URGCP: variants seen among roughly 807,000 people sequenced by gnomAD.
URGCP encodes upregulator of cell proliferation.
In URGCP, 13 loss-of-function variants were observed where a neutral mutation model predicts 24.6. That is an observed-to-expected ratio of 0.53 (90% CI 0.34 to 0.84). The LOEUF (loss-of-function observed/expected upper bound fraction) is 0.84. URGCP is among the 40% of genes least tolerant of loss of function. URGCP has a pLI of 0.01. For synonymous variants in URGCP, 444 were observed against 487.2 expected (o/e 0.91, Z 1.17); for missense variants, 899 against 1,194.3 (o/e 0.75, Z 3.64).
intron 1 of URGCP, among the ~76,000 whole-genome samples, chr7:43,896,590 A>G (rs1277524856): frequency 1.3e-5 from 2 of 152,366 alleles, no homozygotes; most frequent in East Asian, 3.9e-4. Context: ...AAGATAAAAA[A>G]GTTAGTACTG....
At chr7:43,888,103 A>G (rs377560197) in intron 1 of URGCP, 40 of 319,674 alleles carry the variant, frequency 1.3e-4, no homozygotes, top group East Asian at 5.2e-4. Flanking sequence ...ATAGGTATAT[A>G]TACAGAACTC....
At position 43,881,965 on chromosome 7, in the gene URGCP, A is replaced by C; in HGVS notation, c.113-8T>G. ...TTTCTCTCCATTCCAAATCTAGAAG[A>C]AAAAAGAAACCAAATACATTTAGTT... On this transcript the variant is annotated splice_polypyrimidine_tract_variant and splice_region_variant and intron_variant, in intron 3 of 5. Transcript: ENST00000453200. 1 of 1,614,138 alleles carries C rather than the reference A, an allele frequency of 6.2e-7. No individual in the cohort carries two copies. The highest frequency in any genetic ancestry group is 1.1e-5 in the South Asian group (1 of 91,060).
At chr7:43,887,354 A>G in intron 3 of URGCP, 61 bp downstream of exon 3, 1 of 1,587,164 alleles carries the variant, frequency 6.3e-7, no homozygotes, top group Admixed American at 1.8e-5. Flanking sequence ...CAGAATCCCA[A>G]GGGGACAGGA....
intron 1 of URGCP, chr7:43,919,435 C>T (rs1403257883): frequency 1.1e-6 from 1 of 920,114 alleles, no homozygotes; most frequent in African/African-American, 1.6e-5. Context: ...CTGCGCTACC[C>T]CAGCTACATG....
intron 1 of URGCP, among the ~76,000 whole-genome samples, chr7:43,900,469 C>CAAAAAAAAAAAAACAAAAA (rs2095888328): frequency 8.7e-6 from 1 of 114,494 alleles, no homozygotes; most frequent in Admixed American, 9.0e-5. Context: ...AAAACCAAAA[C>CAAAAAAAAAAAAACAAAAA]AAAAAAAAAA....
At chr7:43,922,935 T>C (rs890845373) in intron 1 of URGCP, among the ~76,000 whole-genome samples, 2 of 151,860 alleles carry the variant, frequency 1.3e-5, no homozygotes, top group African/African-American at 4.8e-5. Context: ...TCTTTCTTTC[T>C]TTCTTTCCTT....
chr7:43,913,443 C>G (rs959234626), intron 1 of URGCP, among the ~76,000 whole-genome samples: 1 of 151,936 alleles, frequency 6.6e-6, no homozygotes, highest in African/African-American at 2.4e-5. Flanking sequence ...TGGTCTTCAT[C>G]TCCTGACCTT....
chr7:43,882,529 G>T (rs144343774), intron 3 of URGCP, among the ~76,000 whole-genome samples: 2 of 151,870 alleles, frequency 1.3e-5, no homozygotes, highest in African/African-American at 4.8e-5. Flanking sequence ...GATTACTTGA[G>T]CCTGGGAGGT....
chr7:43,900,091 G>A (rs1398572475), intron 1 of URGCP, among the ~76,000 whole-genome samples: 5 of 151,944 alleles, frequency 3.3e-5, no homozygotes, highest in Non-Finnish European at 7.4e-5. Context: ...GCTGCAGCGA[G>A]CCATGTTGTT....
At chr7:43,891,852 G>A (rs182236134) in intron 1 of URGCP, among the ~76,000 whole-genome samples, 365 of 151,292 alleles carry the variant, frequency 2.4e-3, no homozygotes, top group Non-Finnish European at 3.8e-3. Context: ...ACGCCATCTC[G>A]GCTCACTGTA....
intron 1 of URGCP, among the ~76,000 whole-genome samples, chr7:43,920,295 C>T (rs920068738): frequency 5.9e-5 from 9 of 152,160 alleles, no homozygotes; most frequent in African/African-American, 1.7e-4. Flanking sequence ...AGTGCAGTGA[C>T]ACACTGGCAA....
At chr7:43,926,692 A>G (rs1295122684), upstream of URGCP, 9 of 915,552 alleles carry the variant, frequency 9.8e-6, no homozygotes, top group Non-Finnish European at 1.4e-5. Flanking sequence ...GAGGCAGAAC[A>G]GCCTCCCGCG....
upstream of URGCP, among the ~76,000 whole-genome samples, chr7:43,909,178 A>G (rs987119256): frequency 6.6e-6 from 1 of 152,168 alleles, no homozygotes; most frequent in African/African-American, 2.4e-5. Flanking sequence ...TACTCTGTGT[A>G]TGTGTATGTG....
Position 43,887,443 on chromosome 7 carries a change from T to C in URGCP, c.84A>G (p.Ser28=). The change falls in exon 3 of 6, where the codon TCA becomes TCG. Residue 28 remains serine, a synonymous_variant. Coordinates refer to ENST00000453200, the MANE Select transcript of URGCP (RefSeq NM_001077663.3). ...CAATGGCCACAGCTGTTCGTCTCTC[T>C]GATGCTTTTATTTCTGGGGCTACTT... The part of the protein sequence containing the change: ...LGEVAPEIKA[S]ERRTAVAIAD... 6.2e-7 allele frequency: 1 copy of C among 1,613,968 alleles called. No individual in the cohort carries two copies. Among genetic ancestry groups the C allele is most frequent in the Non-Finnish European group, 8.5e-7 (1 of 1,179,862 alleles).
chr7:43,919,025 G>C (rs774541039), intron 1 of URGCP: 8 of 1,123,184 alleles, frequency 7.1e-6, no homozygotes, highest in Non-Finnish European at 1.1e-5. Context: ...GATTCTCCCA[G>C]AGGGAGAAGA....
intron 5 of URGCP, 109 bp downstream of exon 5, chr7:43,881,550 G>A: frequency 7.1e-7 from 1 of 1,406,216 alleles, no homozygotes; most frequent in Non-Finnish European, 9.8e-7. Flanking sequence ...TCCTAAACCT[G>A]AGTGCTCTGC....
At chr7:43,882,008 C>A (rs2095854644) in intron 3 of URGCP, 51 bp from the exon 4 acceptor site, 14 of 1,611,982 alleles carry the variant, frequency 8.7e-6, no homozygotes, top group Non-Finnish European at 1.2e-5. Context: ...CAAGTTAGAA[C>A]CTTTCTGTCA....
chr7:43,925,274 GCTGA>G (rs2095927783), intron 1 of URGCP, among the ~76,000 whole-genome samples: 1 of 152,168 alleles, frequency 6.6e-6, no homozygotes, highest in Non-Finnish European at 1.5e-5. Flanking sequence ...CATTTTATAT[GCTGA>G]CTGAGTACAA....
At chr7:43,926,691 C>G (rs1373774348), upstream of URGCP, 9 of 925,880 alleles carry the variant, frequency 9.7e-6, no homozygotes, top group Non-Finnish European at 1.4e-5. Flanking sequence ...GGAGGCAGAA[C>G]AGCCTCCCGC....
Sources: allele counts gnomAD v4.1 joint callset (sites outside exome capture counted in the v4.1 genomes callset), GRCh38; gene constraint gnomAD v4.1.1; transcripts MANE v1.5; gene names NCBI Gene and HGNC (gene_info 2026-07-23, HGNC 2026-07-21).